CPEB1: variants seen among roughly 807,000 people sequenced by gnomAD.
CPEB1 encodes the protein cytoplasmic polyadenylation element-binding protein 1.
A neutral mutation model predicts 65.8 loss-of-function variants in CPEB1; 7 were observed. The ratio of observed to expected loss-of-function variants is 0.11; its 90% CI spans 0.06 to 0.20. The LOEUF is 0.20. CPEB1 is among the 10% of genes least tolerant of loss of function. The probability of loss-of-function intolerance (pLI) is 1.00; values close to 1 mark genes in which losing one functional copy is unlikely to be tolerated. For missense variants in CPEB1, 551 were observed against 712.2 expected (o/e 0.77, Z 2.58); for synonymous variants, 262 against 260.0 (o/e 1.01, Z -0.08).
rs769357207 is a variant in CPEB1 at position 82,627,207 on chromosome 15, T to A, written c.257A>T (p.His86Leu). Reference protein sequence around the residue: ...VCTTPINRGIHDHLPDFQDSE... With the variant: ...VCTTPINRGILDHLPDFQDSE... ...ACCTAAATCACCTGGCAAATGATCA[T>A]GAATTCCTCGGTTTATAGGTGTAGT... Residue 86 changes from histidine to leucine, a missense_variant, in exon 3 of 13, where the codon CAT (histidine) becomes CTT (leucine). Physicochemically the swap from His to Leu is moderately conservative, Grantham distance 99. This residue lies in a region of CPEB1 where 223 missense variants were observed against 228.6 expected (regional missense o/e 0.98). Transcript: ENST00000684509. 8 of 1,611,324 alleles carry A rather than the reference T, an allele frequency of 5.0e-6. No homozygotes were observed.
rs1313032111 is a variant in CPEB1 at position 82,588,035 on chromosome 15, C to T, written c.272-16503G>A. ...CTCCCAGGCTCAAGCGATCCTCCCA[C>T]CTCAGCCCCTGGAGCAGCCAGGACT... is the stretch of plus-strand genomic sequence containing the variant. On this transcript the variant is annotated intron_variant, in intron 3 of 12. Transcript: ENST00000684509. Among the ~76,000 whole-genome samples, 14 of 152,282 alleles carry T rather than the reference C, an allele frequency of 9.2e-5. No homozygotes were observed. In the East Asian group the frequency reaches 2.7e-3, roughly 29 times the overall value.
intron 6 of CPEB1, 38 bp from the exon 7 acceptor site, chr15:82,554,029 G>A: frequency 7.6e-7 from 1 of 1,308,876 alleles, no homozygotes. Context: ...GGGGAGGTTA[G>A]AGAATCAACA....
intron 1 of CPEB1, chr15:82,641,504 G>T (rs2047114536): frequency 6.6e-6 from 1 of 152,192 alleles, no homozygotes; most frequent in Non-Finnish European, 1.5e-5. Context: ...TGTCAGGATG[G>T]TACATAAAGC....
At chr15:82,604,430 C>T (rs1260914231) in intron 3 of CPEB1, among the ~76,000 whole-genome samples, 6 of 149,346 alleles carry the variant, frequency 4.0e-5, no homozygotes, top group Admixed American at 3.4e-4. Flanking sequence ...TGCAGTGAGC[C>T]GAGATTGATC....
intron 1 of CPEB1, chr15:82,641,490 A>C (rs1567242248): frequency 6.6e-6 from 1 of 152,348 alleles, no homozygotes; most frequent in East Asian, 1.9e-4. Context: ...AGTGGGGCTA[A>C]ATCTGTCAGG....
At chr15:82,593,886 T>A (rs1016286540) in intron 3 of CPEB1, among the ~76,000 whole-genome samples, 1 of 152,222 alleles carries the variant, frequency 6.6e-6, no homozygotes, top group African/African-American at 2.4e-5. Context: ...ATGAAAGGAA[T>A]CCCTTCTTGT....
At chr15:82,644,572 C>G (rs1283000059) in intron 1 of CPEB1, among the ~76,000 whole-genome samples, 1 of 152,106 alleles carries the variant, frequency 6.6e-6, no homozygotes, top group Non-Finnish European at 1.5e-5. Flanking sequence ...ATTTAAAAGT[C>G]AGGAGATCCA....
At chr15:82,624,886 G>C (rs886504578) in intron 3 of CPEB1, among the ~76,000 whole-genome samples, 2 of 151,370 alleles carry the variant, frequency 1.3e-5, no homozygotes, top group Non-Finnish European at 2.9e-5. Flanking sequence ...CACCCAGGCT[G>C]TAGTACAGTG....
chr15:82,578,937 C>T (rs1431726266), intron 3 of CPEB1, among the ~76,000 whole-genome samples: 2 of 152,202 alleles, frequency 1.3e-5, no homozygotes, highest in East Asian at 1.9e-4. Context: ...AATTCTCCTG[C>T]TCCAGCCTCC....
At chr15:82,623,218 A>C (rs1327035643) in intron 3 of CPEB1, among the ~76,000 whole-genome samples, 2 of 152,236 alleles carry the variant, frequency 1.3e-5, no homozygotes, top group Non-Finnish European at 2.9e-5. Context: ...TTCTCAAACC[A>C]AACCAACCTC....
chr15:82,583,194 G>A (rs1258995119), intron 3 of CPEB1, among the ~76,000 whole-genome samples: 1 of 152,178 alleles, frequency 6.6e-6, no homozygotes, highest in Non-Finnish European at 1.5e-5. Context: ...AAAGACGACT[G>A]CTGATTCAAG....
intron 3 of CPEB1, among the ~76,000 whole-genome samples, chr15:82,621,783 T>G (rs2045325187): frequency 6.6e-6 from 1 of 152,206 alleles, no homozygotes; most frequent in African/African-American, 2.4e-5. Context: ...CTTTCCTGTA[T>G]GTGTATTATA....
At chr15:82,582,374 C>G (rs901913860) in intron 3 of CPEB1, among the ~76,000 whole-genome samples, 1 of 152,172 alleles carries the variant, frequency 6.6e-6, no homozygotes, top group Admixed American at 6.5e-5. Context: ...CCCTTAATAT[C>G]CTGGCACCAG....
At chr15:82,609,316 T>G (rs1018887120) in intron 3 of CPEB1, among the ~76,000 whole-genome samples, 2 of 151,774 alleles carry the variant, frequency 1.3e-5, no homozygotes, top group Non-Finnish European at 2.9e-5. Context: ...CCAGGCAACA[T>G]AGTGAGAGAC....
chr15:82,647,369 C>G (rs1018631616), upstream of CPEB1: 1 of 154,492 alleles, frequency 6.5e-6, no homozygotes, highest in African/African-American at 2.4e-5. Flanking sequence ...AGCACGGGGT[C>G]TACGCCGTCA....
intron 4 of CPEB1, among the ~76,000 whole-genome samples, chr15:82,568,763 T>G (rs1364021892): frequency 1.3e-5 from 2 of 152,192 alleles, no homozygotes; most frequent in East Asian, 3.8e-4. Context: ...TCATTTGTTT[T>G]CCTTTGATAG....
intron 3 of CPEB1, chr15:82,573,247 TTTA>T: frequency 4.6e-6 from 6 of 1,306,756 alleles, no homozygotes; most frequent in Non-Finnish European, 5.1e-6. Flanking sequence ...TTTTTTTTTT[TTTA>T]AAGCTTTGCT....
intron 4 of CPEB1, among the ~76,000 whole-genome samples, chr15:82,564,102 A>C (rs2038699754): frequency 6.6e-6 from 1 of 152,168 alleles, no homozygotes; most frequent in African/African-American, 2.4e-5. Flanking sequence ...GCATACCAAG[A>C]CCAATCTTTA....
chr15:82,627,146 G>C (rs746567716), intron 3 of CPEB1, 47 bp downstream of exon 3: 1 of 1,514,426 alleles, frequency 6.6e-7, no homozygotes, highest in Non-Finnish European at 9.0e-7. Flanking sequence ...CTTAGAAGCA[G>C]ATCTGTACAG....
Sources: allele counts gnomAD v4.1 joint callset (sites outside exome capture counted in the v4.1 genomes callset), GRCh38; gene constraint gnomAD v4.1.1; regional missense constraint gnomAD v4.1.1; transcripts MANE v1.5; gene names NCBI Gene and HGNC (gene_info 2026-07-23, HGNC 2026-07-21).